The following EBF2 variants were observed in gnomAD, a reference collection of about 807,000 sequenced individuals.
EBF2 encodes transcription factor COE2.
In EBF2, 21 loss-of-function variants were observed where a neutral mutation model predicts 72.8. The observed-to-expected ratio is 0.29, with a 90% CI of 0.20 to 0.42. EBF2 has a LOEUF of 0.42. EBF2 is among the 10% of genes least tolerant of loss of function. The pLI is 1.00. For synonymous variants in EBF2, 299 were observed against 274.2 expected, an observed-to-expected ratio of 1.09 and a Z score of -0.89; for missense variants, 637 against 731.2, an observed-to-expected ratio of 0.87 and a Z score of 1.49.
intron 6 of EBF2, among the ~76,000 whole-genome samples, chr8:25,985,148 G>A (rs2117203192): frequency 6.6e-6 from 1 of 152,248 alleles, no homozygotes; most frequent in South Asian, 2.1e-4. Flanking sequence ...GATAACTCAA[G>A]CCTCCAACGT....
At chr8:26,005,705 C>T (rs754502149) in intron 6 of EBF2, among the ~76,000 whole-genome samples, 1 of 147,762 alleles carries the variant, frequency 6.8e-6, no homozygotes, top group Non-Finnish European at 1.5e-5. Flanking sequence ...GTGGTGTGTG[C>T]ATGCAGTCCC....
intron 10 of EBF2, among the ~76,000 whole-genome samples, chr8:25,866,924 G>A (rs1020076612): frequency 2.0e-5 from 3 of 151,818 alleles, no homozygotes; most frequent in African/African-American, 4.8e-5. Flanking sequence ...GAGCTACCGC[G>A]CCTGGCCTAT....
At chr8:25,932,803 CTTT>C (rs756847350) in intron 6 of EBF2, among the ~76,000 whole-genome samples, 1 of 146,002 alleles carries the variant, frequency 6.8e-6, no homozygotes, top group African/African-American at 2.5e-5. Flanking sequence ...CAGAAGCAGA[CTTT>C]TTTTTTTTAC....
chr8:25,853,845 A>AAAAC lies in EBF2; in HGVS notation c.1529-3088_1529-3085dup, dbSNP rs199958365. Reference sequence around the variant, plus strand: ...AATATACACCTCTTCAGATGAAAAAAAAACAGATTACATAACACATACTAA... The same window carrying AAAAC: ...AATATACACCTCTTCAGATGAAAAAAAAACAAACAGATTACATAACACATACTAA... On this transcript the variant is annotated intron_variant, in intron 14 of 15. Transcript: ENST00000520164. Among the ~76,000 whole-genome samples, 1,192 of 152,288 alleles carry AAAAC rather than the reference A, an allele frequency of 7.8e-3. 15 individuals carry two copies. The highest frequency in any genetic ancestry group is 0.027 in the African/African-American group (1,133 of 41,568).
At chr8:25,851,998 C>G (rs1801987417) in intron 14 of EBF2, among the ~76,000 whole-genome samples, 1 of 152,106 alleles carries the variant, frequency 6.6e-6, no homozygotes. Context: ...CTTTTATAGC[C>G]AAACTAAAAT....
chr8:26,040,878 C>G (rs866447987), intron 3 of EBF2, 61 bp downstream of exon 3: 10 of 1,605,464 alleles, frequency 6.2e-6, no homozygotes, highest in South Asian at 1.1e-5. Flanking sequence ...GCAAGGTCAG[C>G]GCGTGCGGCC....
chr8:25,878,903 G>T (rs1802564042), intron 10 of EBF2, among the ~76,000 whole-genome samples: 1 of 152,144 alleles, frequency 6.6e-6, no homozygotes, highest in Non-Finnish European at 1.5e-5. Flanking sequence ...TATCAGGCTG[G>T]AAATACTTTG....
chr8:26,033,764 A>AG lies in EBF2; in HGVS notation c.483-612_483-611insC, dbSNP rs372904876. On this transcript the variant is annotated intron_variant, in intron 5 of 15. Transcript: ENST00000520164. ...CTGAACTTAAAATAAAAGTTGAAGA[A>AG]AAAAAAATGAATCTGTCTAAGGTAG... Among the ~76,000 whole-genome samples, 317 of 151,512 alleles carry AG rather than the reference A, an allele frequency of 2.1e-3. 2 individuals are homozygous for AG. Among genetic ancestry groups the AG allele is most frequent in the African/African-American group, 7.4e-3 (306 of 41,254 alleles).
At chr8:25,950,943 C>T (rs1286401777) in intron 6 of EBF2, among the ~76,000 whole-genome samples, 1 of 152,120 alleles carries the variant, frequency 6.6e-6, no homozygotes, top group East Asian at 1.9e-4. Flanking sequence ...GGCTTCTCCT[C>T]CTCCTTTTTC....
chr8:26,010,442 T>C (rs1244007585), intron 6 of EBF2, among the ~76,000 whole-genome samples: 2 of 152,216 alleles, frequency 1.3e-5, no homozygotes, highest in Non-Finnish European at 2.9e-5. Context: ...TAGCACCCTG[T>C]GCTGGCCTCC....
At chr8:26,010,957 C>A (rs1193322087) in intron 6 of EBF2, among the ~76,000 whole-genome samples, 1 of 149,346 alleles carries the variant, frequency 6.7e-6, no homozygotes, top group Non-Finnish European at 1.5e-5. Flanking sequence ...AGTGCATAAA[C>A]TTTTGTTTTA....
intron 15 of EBF2, among the ~76,000 whole-genome samples, chr8:25,846,410 G>GGGC (rs1333349465): frequency 1.3e-5 from 2 of 152,120 alleles, no homozygotes; most frequent in African/African-American, 2.4e-5. Context: ...ACTCCTGGCT[G>GGGC]GGCACGGTGG....
At chr8:25,987,393 G>A (rs1456152016) in intron 6 of EBF2, among the ~76,000 whole-genome samples, 1 of 152,184 alleles carries the variant, frequency 6.6e-6, no homozygotes, top group African/African-American at 2.4e-5. Flanking sequence ...CACACAGTTG[G>A]TAAGCAGTAT....
intron 10 of EBF2, among the ~76,000 whole-genome samples, chr8:25,867,877 T>C (rs1323029824): frequency 2.6e-5 from 4 of 152,212 alleles, no homozygotes; most frequent in African/African-American, 7.2e-5. Flanking sequence ...CTCAATATCA[T>C]TGTATTTTTT....
chr8:26,039,934 G>T, intron 5 of EBF2, 94 bp downstream of exon 5: 3 of 1,385,746 alleles, frequency 2.2e-6, no homozygotes, highest in Non-Finnish European at 3.1e-6. Context: ...CGAGCGCTCA[G>T]TCCTGAAAGT....
intron 6 of EBF2, among the ~76,000 whole-genome samples, chr8:26,023,273 G>A (rs1805233245): frequency 6.6e-6 from 1 of 152,166 alleles, no homozygotes. Flanking sequence ...GGATAAGTTT[G>A]CAAAGAGATG....
chr8:26,001,911 T>A (rs1804733432), intron 6 of EBF2, among the ~76,000 whole-genome samples: 1 of 152,152 alleles, frequency 6.6e-6, no homozygotes, highest in Non-Finnish European at 1.5e-5. Flanking sequence ...CTACACAGCC[T>A]CTGGATCCTA....
chr8:25,981,625 G>A (rs564179795), intron 6 of EBF2, among the ~76,000 whole-genome samples: 1 of 152,010 alleles, frequency 6.6e-6, no homozygotes, highest in Non-Finnish European at 1.5e-5. Flanking sequence ...GCAAAATCCC[G>A]TCTCTACTAA....
chr8:25,889,472 G>T (rs1802742728), intron 8 of EBF2, among the ~76,000 whole-genome samples: 1 of 152,020 alleles, frequency 6.6e-6, no homozygotes, highest in Admixed American at 6.6e-5. Flanking sequence ...AGATGTCATA[G>T]GCCTATGTTT....
Sources: gnomAD v4.1 joint callset for allele counts (sites outside exome capture counted in the v4.1 genomes callset) on GRCh38, gnomAD v4.1.1 for gene constraint, MANE v1.5 for transcripts, NCBI Gene and HGNC (gene_info 2026-07-23, HGNC 2026-07-21) for gene names.